GABRG1: variants seen among roughly 807,000 people sequenced by gnomAD.
The protein encoded by GABRG1 is gamma-aminobutyric acid receptor subunit gamma-1.
GABRG1 carries 49 observed loss-of-function variants against 49.8 expected under a neutral mutation model. The ratio of observed to expected loss-of-function variants is 0.98; its 90% confidence interval spans 0.78 to 1.25. The LOEUF is 1.25. GABRG1 is among the 50% of genes most tolerant of loss of function. The pLI is 0.00. For missense variants in GABRG1, 552 were observed against 552.3 expected, an observed-to-expected ratio of 1.00 and a Z score of 0.01; for synonymous variants, 232 against 185.1, an observed-to-expected ratio of 1.25 and a Z score of -2.06.
intron 1 of GABRG1, among the ~76,000 whole-genome samples, chr4:46,118,088 A>G (rs1208531998): frequency 1.4e-5 from 2 of 142,464 alleles, no homozygotes; most frequent in Non-Finnish European, 3.1e-5. Flanking sequence ...ATATATACAT[A>G]TGTATACATA....
At chr4:46,053,090 T>G (rs1189375513) in intron 7 of GABRG1, among the ~76,000 whole-genome samples, 1 of 151,948 alleles carries the variant, frequency 6.6e-6, no homozygotes, top group African/African-American at 2.4e-5. Flanking sequence ...ATATCTTGCT[T>G]CGTAATTGTA....
intron 7 of GABRG1, among the ~76,000 whole-genome samples, chr4:46,054,655 T>TAGAAAGCTGAAAC (rs1718364828): frequency 4.4e-4 from 2 of 4,556 alleles, no homozygotes; most frequent in South Asian, 4.1e-3. Flanking sequence ...TGTTTGTCTG[T>TAGAAAGCTGAAAC]TGTTGGTGTA....
rs1225793131 is a variant in GABRG1 at position 46,072,994 on chromosome 4, CAA to C, written c.322-7412_322-7411del. Among the ~76,000 whole-genome samples the C allele has an allele frequency of 2.0e-5, 3 of 151,614 alleles. No individual in the cohort carries two copies. In the East Asian group the frequency reaches 5.8e-4, roughly 29 times the overall value. ...TTTTATTTAAAATCTAGCAATCTGGCAAAAGAGTAAAGAATTTCATGAAGTTA... is the reference window on the plus strand; with the variant it reads ...TTTTATTTAAAATCTAGCAATCTGGCAAGAGTAAAGAATTTCATGAAGTTA... On this transcript the variant is annotated intron_variant, in intron 3 of 8. Transcript: ENST00000295452.
intron 8 of GABRG1, among the ~76,000 whole-genome samples, chr4:46,044,363 C>T (rs952676991): frequency 6.6e-6 from 1 of 151,726 alleles, no homozygotes; most frequent in African/African-American, 2.4e-5. Flanking sequence ...TGTTTGCAAT[C>T]CCAGCTATTT....
Position 46,065,591 on chromosome 4 carries a change from TA to T in GABRG1, c.322-8del. On this transcript the variant is annotated splice_region_variant and splice_polypyrimidine_tract_variant and intron_variant, in intron 3 of 8. Transcript: ENST00000295452. The stretch of plus-strand genomic sequence containing the variant: ...TTATATCTATTGTATATTCCTAAAA[TA>T]TAAGAAGAGTAACAACATATTAGTA... 1 of 1,250,484 alleles carries T rather than the reference TA, an allele frequency of 8.0e-7. No individual in the cohort carries two copies. The highest frequency in any genetic ancestry group is 1.2e-6 in the Non-Finnish European group (1 of 864,468). 77.5% of individuals were successfully genotyped at this position (1,250,484 alleles called of 1,614,324 possible).
intron 1 of GABRG1, among the ~76,000 whole-genome samples, chr4:46,119,821 C>T (rs371252733): frequency 6.6e-6 from 1 of 151,502 alleles, no homozygotes; most frequent in Admixed American, 6.6e-5. Context: ...GCATAAGCTG[C>T]ATTTAAAAGA....
chr4:46,056,399 C>T (rs1718451553), intron 7 of GABRG1, among the ~76,000 whole-genome samples: 1 of 151,934 alleles, frequency 6.6e-6, no homozygotes, highest in Non-Finnish European at 1.5e-5. Context: ...TATCTTTCTG[C>T]CCAATATCCA....
At position 46,035,872 on chromosome 4, in the gene GABRG1, C is replaced by G. The variant is rs1289585913; in HGVS notation, c.*5116G>C. The stretch of plus-strand genomic sequence containing the variant: ...CTGAAAAATTGAGACACCTTTGCCA[C>G]AAAATTACAAATGTTCCTCAAAACA... On this transcript the variant is annotated 3_prime_UTR_variant, in exon 9 of 9. Transcript: ENST00000295452. 3 of 151,754 alleles carry G rather than the reference C, an allele frequency of 2.0e-5. No homozygotes were observed. Among genetic ancestry groups the G allele is most frequent in the African/African-American group, 7.3e-5 (3 of 41,344 alleles). 9.4% of individuals were successfully genotyped at this position (151,754 alleles called of 1,614,324 possible).
At chr4:46,114,071 C>G (rs1197325600) in intron 1 of GABRG1, among the ~76,000 whole-genome samples, 1 of 150,746 alleles carries the variant, frequency 6.6e-6, no homozygotes, top group Admixed American at 6.6e-5. Flanking sequence ...CTCTTTTTTG[C>G]CTTCATGTTT....
intron 7 of GABRG1, among the ~76,000 whole-genome samples, chr4:46,057,927 C>T (rs193112604): frequency 2.6e-5 from 4 of 152,170 alleles, no homozygotes; most frequent in East Asian, 3.9e-4. Flanking sequence ...TTAGGAATTA[C>T]GTATGATTTT....
chr4:46,056,686 A>G (rs1161345546), intron 7 of GABRG1, among the ~76,000 whole-genome samples: 1 of 152,086 alleles, frequency 6.6e-6, no homozygotes, highest in Non-Finnish European at 1.5e-5. Flanking sequence ...TAAAGCACCA[A>G]AAACACTGCT....
Position 46,044,683 on chromosome 4 carries a change from A to G in GABRG1, c.1132-3429T>C, listed in dbSNP as rs151319868. On this transcript the variant is annotated intron_variant, in intron 8 of 8. Coordinates refer to ENST00000295452, the MANE Select transcript of GABRG1 (RefSeq NM_173536.4). ...GGAATCTACTCTTCCACTCAGTATA[A>G]GGAAGGAAGAATGGGAGTAATGAAT... Among the ~76,000 whole-genome samples the G allele has an allele frequency of 2.8e-3, 433 of 152,230 alleles. 3 individuals are homozygous for G. Among genetic ancestry groups the G allele is most frequent in the African/African-American group, 9.9e-3 (411 of 41,570 alleles).
chr4:46,043,111 G>T (rs1358728608), intron 8 of GABRG1, among the ~76,000 whole-genome samples: 1 of 151,892 alleles, frequency 6.6e-6, no homozygotes, highest in Non-Finnish European at 1.5e-5. Flanking sequence ...TTAAAAAATT[G>T]TTAGGAGGCA....
chr4:46,089,196 A>G (rs1197260553), intron 2 of GABRG1, among the ~76,000 whole-genome samples: 1 of 152,040 alleles, frequency 6.6e-6, no homozygotes, highest in Non-Finnish European at 1.5e-5. Flanking sequence ...TGGAAGATAC[A>G]GAAGAGCATC....
chr4:46,066,642 G>A (rs182134075), intron 3 of GABRG1, among the ~76,000 whole-genome samples: 3 of 152,070 alleles, frequency 2.0e-5, no homozygotes, highest in African/African-American at 7.2e-5. Context: ...CAAGGTTAGA[G>A]CAAAGCCTTT....
At chr4:46,101,061 T>C (rs945128702) in intron 1 of GABRG1, among the ~76,000 whole-genome samples, 31 of 151,668 alleles carry the variant, frequency 2.0e-4, no homozygotes, top group Non-Finnish European at 4.6e-4. Context: ...CCTGATGTTT[T>C]TTGGAAGCTG....
chr4:46,073,030 CAA>C (rs1719194216), intron 3 of GABRG1, among the ~76,000 whole-genome samples: 1 of 151,708 alleles, frequency 6.6e-6, no homozygotes, highest in South Asian at 2.1e-4. Context: ...TAGTTTATGT[CAA>C]GAGTTGTCAT....
chr4:46,079,969 A>T (rs991001531), intron 3 of GABRG1, among the ~76,000 whole-genome samples: 1 of 151,874 alleles, frequency 6.6e-6, no homozygotes, highest in Non-Finnish European at 1.5e-5. Flanking sequence ...AGATAGTTAT[A>T]ATCAAACCAT....
intron 7 of GABRG1, among the ~76,000 whole-genome samples, chr4:46,057,971 C>T (rs1718515324): frequency 6.6e-6 from 1 of 151,936 alleles, no homozygotes; most frequent in African/African-American, 2.4e-5. Flanking sequence ...TCTATGCTTC[C>T]CTTGGTCTTC....
Sources: gnomAD v4.1 joint callset for allele counts (sites outside exome capture counted in the v4.1 genomes callset) on GRCh38, gnomAD v4.1.1 for gene constraint, MANE v1.5 for transcripts, NCBI Gene and HGNC (gene_info 2026-07-23, HGNC 2026-07-21) for gene names.